TXNDC12: variants seen among roughly 807,000 people sequenced by gnomAD.
TXNDC12 encodes thioredoxin domain containing 12, also known as thioredoxin domain-containing protein 12.
In TXNDC12, 22 loss-of-function variants were observed where a neutral mutation model predicts 24.2. The ratio of observed to expected loss-of-function variants is 0.91; its 90% CI spans 0.65 to 1.30. The LOEUF (loss-of-function observed/expected upper bound fraction) is 1.30. TXNDC12 is among the 50% of genes most tolerant of loss of function. The pLI is 0.00. For missense variants in TXNDC12, 184 were observed against 205.8 expected (o/e 0.89, Z 0.65); for synonymous variants, 58 against 73.4 (o/e 0.79, Z 1.07).
chr1:52,033,763 C>A, intron 2 of TXNDC12: 1 of 1,590,418 alleles, frequency 6.3e-7, no homozygotes, highest in South Asian at 1.1e-5. Flanking sequence ...GAGCGGCATC[C>A]TCTCAGGGAG....
At chr1:52,033,340 T>G (rs1557993300) in intron 2 of TXNDC12, 2 of 1,613,766 alleles carry the variant, frequency 1.2e-6, no homozygotes, top group Non-Finnish European at 1.7e-6. Flanking sequence ...GGCTCTCCCG[T>G]CCTCCTCAGC....
chr1:52,055,200 T>C, upstream of TXNDC12: 1 of 736,292 alleles, frequency 1.4e-6, no homozygotes, highest in Non-Finnish European at 2.3e-6. Context: ...ACACCTCTAC[T>C]TCCCAGATTT....
At chr1:52,040,325 T>C (rs995980507) in intron 2 of TXNDC12, among the ~76,000 whole-genome samples, 5 of 152,034 alleles carry the variant, frequency 3.3e-5, no homozygotes, top group Admixed American at 2.6e-4. Flanking sequence ...CCAGGCTCAA[T>C]TGATCCTCCC....
intron 2 of TXNDC12, among the ~76,000 whole-genome samples, chr1:52,037,988 T>C (rs1191530150): frequency 6.6e-6 from 1 of 152,024 alleles, no homozygotes; most frequent in Non-Finnish European, 1.5e-5. Flanking sequence ...AGTTCAGTGG[T>C]GCACTCATGG....
chr1:52,027,731 TATA>T (rs1235271593), intron 3 of TXNDC12, among the ~76,000 whole-genome samples: 1 of 149,478 alleles, frequency 6.7e-6, no homozygotes, highest in African/African-American at 2.4e-5. Flanking sequence ...TGTATGTGTG[TATA>T]TATGTTATAT....
At chr1:52,052,309 G>A (rs1686221483) in intron 1 of TXNDC12, 1 of 161,610 alleles carries the variant, frequency 6.2e-6, no homozygotes, top group Non-Finnish European at 1.5e-5. Flanking sequence ...GTTCACTGTG[G>A]CAGATATGCC....
At position 52,033,766 on chromosome 1, in the gene TXNDC12, T is replaced by C. The variant is rs545749270; in HGVS notation, c.159-5136A>G. Reference sequence around the variant, plus strand: ...GCAAAACACCACGAGCGGCATCCTCTCAGGGAGCGACCATTGGCAACCGCG... The same window carrying C: ...GCAAAACACCACGAGCGGCATCCTCCCAGGGAGCGACCATTGGCAACCGCG... On this transcript the variant is annotated intron_variant, in intron 2 of 6. Transcript: ENST00000371626. 374 of 1,575,082 alleles carry C rather than the reference T, an allele frequency of 2.4e-4. 1 individual carries two copies. Among genetic ancestry groups the C allele is most frequent in the African/African-American group, 8.5e-4 (63 of 74,242 alleles).
intron 3 of TXNDC12, among the ~76,000 whole-genome samples, chr1:52,028,129 A>G (rs1052611223): frequency 5.3e-5 from 8 of 151,768 alleles, no homozygotes; most frequent in African/African-American, 1.9e-4. Flanking sequence ...CTGGTCTTTT[A>G]TACTATTTTT....
chr1:52,047,413 T>C (rs1686118455), intron 1 of TXNDC12, among the ~76,000 whole-genome samples: 1 of 152,058 alleles, frequency 6.6e-6, no homozygotes, highest in Non-Finnish European at 1.5e-5. Flanking sequence ...GGAAGAAGTA[T>C]GAAATAGTCC....
Position 52,028,568 on chromosome 1 carries a change from T to A in TXNDC12, c.211+10A>T, listed in dbSNP as rs762920596. On this transcript the variant is annotated intron_variant, in intron 3 of 6. Coordinates refer to ENST00000371626, the MANE Select transcript of TXNDC12 (RefSeq NM_015913.4). ...TGAGTTTTGAATTTAGATTGAGCAT[T>A]TGCACTTACCTTTGCAAGCTCCACA... is the stretch of plus-strand genomic sequence containing the variant. 6.2e-7 allele frequency: 1 copy of A among 1,609,634 alleles called. No homozygotes were observed. Among genetic ancestry groups the A allele is most frequent in the Non-Finnish European group, 8.5e-7 (1 of 1,177,912 alleles).
intron 2 of TXNDC12, among the ~76,000 whole-genome samples, chr1:52,036,824 A>G (rs1685891256): frequency 6.6e-6 from 1 of 152,192 alleles, no homozygotes; most frequent in Non-Finnish European, 1.5e-5. Flanking sequence ...TTTGGTGTCT[A>G]TTAGCTCTTG....
intron 1 of TXNDC12, among the ~76,000 whole-genome samples, chr1:52,046,732 A>C (rs1686096231): frequency 6.7e-6 from 1 of 149,894 alleles, no homozygotes; most frequent in Non-Finnish European, 1.5e-5. Flanking sequence ...AAATACAAAA[A>C]TTAGGCCAGG....
intron 4 of TXNDC12, 102 bp from the exon 5 acceptor site, chr1:52,024,681 G>A (rs1685648543): frequency 3.5e-6 from 3 of 858,390 alleles, no homozygotes; most frequent in Admixed American, 2.1e-5. Flanking sequence ...CCAAGTCCTT[G>A]CAGTGGCCTA....
At chr1:52,021,085 T>C in intron 6 of TXNDC12, 73 bp from the exon 7 acceptor site, 1 of 1,123,784 alleles carries the variant, frequency 8.9e-7, no homozygotes, top group Non-Finnish European at 1.4e-6. Context: ...ATGTACACTT[T>C]TAAATGTTTC....
chr1:52,041,390 G>A, intron 2 of TXNDC12, 147 bp downstream of exon 2: 1 of 503,842 alleles, frequency 2.0e-6, no homozygotes, highest in Non-Finnish European at 3.5e-6. Context: ...AACTATAAAT[G>A]TTAGCCATTA....
chr1:52,023,971 G>A (rs912867766), intron 5 of TXNDC12, among the ~76,000 whole-genome samples: 2 of 151,694 alleles, frequency 1.3e-5, no homozygotes, highest in Non-Finnish European at 2.9e-5. Flanking sequence ...GGCTATTGAA[G>A]TGAATAAATG....
In TXNDC12 at chr1:52,020,864, T is replaced by C. The variant is rs1217503622; in HGVS notation, c.*69A>G. ...CGGCTTAATTGTTCTAGATGATTCC[T>C]CAATATTCCCTTCCCTGCTGCTTTC... On this transcript the variant is annotated 3_prime_UTR_variant, in exon 7 of 7. Transcript: ENST00000371626. 10 of 1,347,626 alleles carry C rather than the reference T, an allele frequency of 7.4e-6. No individual in the cohort carries two copies. The highest frequency in any genetic ancestry group is 1.1e-5 in the Non-Finnish European group (10 of 941,688). 83.5% of individuals were successfully genotyped at this position (1,347,626 alleles called of 1,614,324 possible).
At chr1:52,041,193 C>T (rs1467582199) in intron 2 of TXNDC12, among the ~76,000 whole-genome samples, 14 of 151,952 alleles carry the variant, frequency 9.2e-5, no homozygotes, top group Admixed American at 7.9e-4. Context: ...ATTAGCCAGG[C>T]GTGGTGGCGG....
At chr1:52,038,405 G>A (rs956582794) in intron 2 of TXNDC12, among the ~76,000 whole-genome samples, 10 of 151,482 alleles carry the variant, frequency 6.6e-5, no homozygotes, top group African/African-American at 2.4e-4. Flanking sequence ...CCGCCTCCCA[G>A]GCTCAAGCGA....
Sources: allele counts gnomAD v4.1 joint callset (sites outside exome capture counted in the v4.1 genomes callset), GRCh38; gene constraint gnomAD v4.1.1; transcripts MANE v1.5; gene names NCBI Gene and HGNC (gene_info 2026-07-23, HGNC 2026-07-21).